Variants in ICE2 observed in about 807,000 individuals in gnomAD.
The protein encoded by ICE2 is interactor of little elongation complex ELL subunit 2.
ICE2 carries 87 observed loss-of-function variants against 105.4 expected under a neutral mutation model. That is an observed-to-expected ratio of 0.83 (90% confidence interval 0.69 to 0.99). The LOEUF is 0.99. Ranked by LOEUF, ICE2 falls within the 50% of genes least tolerant of loss-of-function variation. The pLI, the probability that ICE2 is intolerant of heterozygous loss-of-function variation, is 0.00. For synonymous variants in ICE2, 399 were observed against 392.0 expected, an observed-to-expected ratio of 1.02 and a Z score of -0.21; for missense variants, 1,323 against 1,146.7, an observed-to-expected ratio of 1.15 and a Z score of -2.22.
intron 13 of ICE2, among the ~76,000 whole-genome samples, chr15:60,433,650 T>C (rs1354283226): frequency 1.3e-5 from 2 of 151,596 alleles, no homozygotes; most frequent in African/African-American, 2.4e-5. Flanking sequence ...ACCACCACAC[T>C]TGACTAATTT....
rs750854416 is a variant in ICE2 at position 60,431,993 on chromosome 15, C to A, written c.2511-9G>T. The stretch of plus-strand genomic sequence containing the variant: ...TAAATAAATTGGAAATCCTGATAAA[C>A]AAAAGAAATTCATGTAAAATTAAAC... On this transcript the variant is annotated splice_polypyrimidine_tract_variant and intron_variant, in intron 13 of 15. Coordinates refer to ENST00000261520, the MANE Select transcript of ICE2 (RefSeq NM_024611.6). 7.3e-7 allele frequency: 1 copy of A among 1,379,072 alleles called. No homozygotes were observed. The highest frequency in any genetic ancestry group is 2.4e-5 in the East Asian group (1 of 41,438). 85.4% of individuals were successfully genotyped at this position (1,379,072 alleles called of 1,614,324 possible).
rs762260159 is a variant in ICE2, at chr15:60,449,118, T to C, written c.1849A>G (p.Asn617Asp). The change falls in exon 10 of 16, where the codon AAC (asparagine) becomes GAC (aspartate). Residue 617 changes from asparagine (N) to aspartate (D), a missense_variant. By Grantham distance (23) the Asn-to-Asp change is conservative. Coordinates refer to ENST00000261520, the MANE Select transcript of ICE2 (RefSeq NM_024611.6). ...GGACTACAAGCAGTATTAGTCTGGT[T>C]TCCTACAGAAGCCTGTCCTGAGGAA... ...NSSSGQASVG[N>D]QTNTACSPEE... 6.2e-7 allele frequency: 1 copy of C among 1,614,104 alleles called. No individual in the cohort carries two copies. Among genetic ancestry groups the C allele is most frequent in the Admixed American group, 1.7e-5 (1 of 60,012 alleles).
intron 5 of ICE2, among the ~76,000 whole-genome samples, chr15:60,462,477 T>C (rs536108116): frequency 6.6e-6 from 1 of 152,284 alleles, no homozygotes; most frequent in African/African-American, 2.4e-5. Context: ...GGTTTGGCCT[T>C]TCCACAATGT....
At chr15:60,436,104 C>A in intron 13 of ICE2, 39 bp downstream of exon 13, 1 of 824,536 alleles carries the variant, frequency 1.2e-6, no homozygotes, top group Non-Finnish European at 1.9e-6. Flanking sequence ...ATCACATTAA[C>A]AAATTTTTCA....
chr15:60,466,198 G>A (rs1318483115), intron 5 of ICE2, among the ~76,000 whole-genome samples: 1 of 152,166 alleles, frequency 6.6e-6, no homozygotes, highest in Non-Finnish European at 1.5e-5. Context: ...TTATCATTTT[G>A]TGGCTGGTTA....
At chr15:60,464,545 A>C (rs772915749) in intron 5 of ICE2, among the ~76,000 whole-genome samples, 1 of 152,148 alleles carries the variant, frequency 6.6e-6, no homozygotes, top group Non-Finnish European at 1.5e-5. Flanking sequence ...AAATCCGGGG[A>C]ATAGATTGAG....
intron 11 of ICE2, among the ~76,000 whole-genome samples, chr15:60,445,076 G>A (rs776784057): frequency 4.6e-5 from 7 of 151,994 alleles, no homozygotes; most frequent in Non-Finnish European, 1.0e-4. Context: ...GTTTTGGTAA[G>A]GAAACATAAA....
chr15:60,463,006 A>C (rs2064321755), intron 5 of ICE2, among the ~76,000 whole-genome samples: 1 of 152,240 alleles, frequency 6.6e-6, no homozygotes, highest in Non-Finnish European at 1.5e-5. Flanking sequence ...CACAACGTAC[A>C]GCATTCAATA....
intron 10 of ICE2, 45 bp downstream of exon 10, chr15:60,448,803 A>C: frequency 2.0e-6 from 3 of 1,505,194 alleles, no homozygotes; most frequent in Non-Finnish European, 2.7e-6. Flanking sequence ...CCTAAGGAAA[A>C]AGAACAAGTA....
At chr15:60,460,267 CA>C (rs1295864833) in intron 5 of ICE2, among the ~76,000 whole-genome samples, 1 of 152,182 alleles carries the variant, frequency 6.6e-6, no homozygotes, top group Non-Finnish European at 1.5e-5. Context: ...GCCAAGGAGG[CA>C]GGTGGATCAC....
intron 12 of ICE2, chr15:60,441,708 A>G (rs1247553965): frequency 6.6e-6 from 1 of 152,234 alleles, no homozygotes; most frequent in African/African-American, 2.4e-5. Flanking sequence ...TGGACATTCC[A>G]GTGGGAGGAA....
rs777633818 is a variant in ICE2 at position 60,455,095 on chromosome 15, C to T, written c.851G>A (p.Ser284Asn). The T allele has an allele frequency of 6.2e-7, 1 of 1,602,276 alleles. No individual in the cohort carries two copies. Among genetic ancestry groups the T allele is most frequent in the Non-Finnish European group, 8.5e-7 (1 of 1,176,340 alleles). The change falls in exon 8 of 16, where the codon AGT (serine) becomes AAT (asparagine). Residue 284 changes from serine (S) to asparagine (N), a missense_variant. Ser to Asn is a conservative substitution (Grantham distance 46). Coordinates refer to ENST00000261520, the MANE Select transcript of ICE2 (RefSeq NM_024611.6). ...SRYHPQIALTSQSLFTLLNNH... is the reference protein window; with the variant it reads ...SRYHPQIALTNQSLFTLLNNH... ...ATTTAATAAGGTAAATAATGACTGA[C>T]TAGTTAGAGCTATCTGAGGGTGATA... is the stretch of plus-strand genomic sequence containing the variant.
chr15:60,464,530 C>G (rs74020705), intron 5 of ICE2, among the ~76,000 whole-genome samples: 1 of 152,084 alleles, frequency 6.6e-6, no homozygotes, highest in Non-Finnish European at 1.5e-5. Context: ...CACTACTACA[C>G]GCAGAAATCC....
Position 60,449,119 on chromosome 15 carries a change from T to C in ICE2, c.1848A>G (p.Gly616=). The C allele has an allele frequency of 6.2e-7, 1 of 1,614,124 alleles. No individual in the cohort carries two copies. The highest frequency in any genetic ancestry group is 8.5e-7 in the Non-Finnish European group (1 of 1,179,994). The change falls in exon 10 of 16, where the codon GGA becomes GGG. Residue 616 remains glycine, a synonymous_variant. Transcript: ENST00000261520. ...PNSSSGQASV[G]NQTNTACSPE... ...GACTACAAGCAGTATTAGTCTGGTT[T>C]CCTACAGAAGCCTGTCCTGAGGAAG...
chr15:60,436,473 T>C (rs1449068089), intron 12 of ICE2, among the ~76,000 whole-genome samples: 2 of 152,126 alleles, frequency 1.3e-5, no homozygotes, highest in African/African-American at 4.8e-5. Flanking sequence ...TTTACACATG[T>C]CCACACATAC....
chr15:60,477,589 T>TA (rs1407696771), intron 2 of ICE2, among the ~76,000 whole-genome samples: 2 of 152,238 alleles, frequency 1.3e-5, no homozygotes, highest in East Asian at 3.8e-4. Flanking sequence ...TGTCTATTCT[T>TA]AAAGAGGGTC....
intron 11 of ICE2, 102 bp downstream of exon 11, chr15:60,447,865 ATAC>A: frequency 3.3e-6 from 3 of 895,620 alleles, no homozygotes; most frequent in African/African-American, 1.7e-5. Flanking sequence ...CAACCTGAAG[ATAC>A]TACTATGAGT....
Position 60,479,115 on chromosome 15 carries a change from C to T in ICE2, c.-205G>A, listed in dbSNP as rs191690431. 1 of 426,336 alleles carries T rather than the reference C, an allele frequency of 2.3e-6. No individual in the cohort carries two copies. 26.4% of individuals were successfully genotyped at this position (426,336 alleles called of 1,614,324 possible). On this transcript the variant is annotated 5_prime_UTR_variant, in exon 1 of 16. Coordinates refer to ENST00000261520, the MANE Select transcript of ICE2 (RefSeq NM_024611.6). ...AAAAGACCATATTTAAAGGATGTGG[C>T]CGCGCCGACTCGGCCCTGCGTGATG...
At chr15:60,432,786 G>A (rs1425396378) in intron 13 of ICE2, among the ~76,000 whole-genome samples, 1 of 151,826 alleles carries the variant, frequency 6.6e-6, no homozygotes, top group Non-Finnish European at 1.5e-5. Flanking sequence ...CAGCTACTGG[G>A]GAGGCTGAGG....
Sources: allele counts gnomAD v4.1 joint callset (sites outside exome capture counted in the v4.1 genomes callset), GRCh38; gene constraint gnomAD v4.1.1; transcripts MANE v1.5; gene names NCBI Gene and HGNC (gene_info 2026-07-23, HGNC 2026-07-21).